Variants in PIAS4 observed in about 807,000 individuals in gnomAD.
PIAS4 encodes protein inhibitor of activated STAT 4.
A neutral mutation model predicts 58.0 loss-of-function variants in PIAS4; 7 were observed. That is an observed-to-expected ratio of 0.12 (90% CI 0.07 to 0.23). The LOEUF (loss-of-function observed/expected upper bound fraction) is 0.23, where lower values mean the gene tolerates loss of function less well. PIAS4 is among the 10% of genes least tolerant of loss of function. PIAS4 has a pLI of 1.00. For synonymous variants in PIAS4, 364 were observed against 312.4 expected, an observed-to-expected ratio of 1.17 and a Z score of -1.74; for missense variants, 550 against 709.5, an observed-to-expected ratio of 0.78 and a Z score of 2.55.
chr19:4,008,089 G>A (rs985383499), intron 1 of PIAS4, among the ~76,000 whole-genome samples: 3 of 151,978 alleles, frequency 2.0e-5, no homozygotes, highest in African/African-American at 7.2e-5. Context: ...CCAGGCCAGG[G>A]CCGCGCCTCC....
intron 2 of PIAS4, 49 bp from the exon 3 acceptor site, chr19:4,023,987 G>C: frequency 7.6e-7 from 1 of 1,311,952 alleles, no homozygotes; most frequent in Non-Finnish European, 1.1e-6. Flanking sequence ...CTGGGCTCGG[G>C]GGACCTGCCA....
rs565166694 is a variant in PIAS4, at chr19:4,037,628, C to A, written c.1286C>A (p.Ala429Asp). ...CTGTTGCCCGTAGGCCCCTCGGACG[C>A]CAATGGGCTCCTGCCCGCCCCCAGC... Reference protein sequence around the residue: ...GAILVLGPSDANGLLPAPSVN... With the variant: ...GAILVLGPSDDNGLLPAPSVN... The change falls in exon 11 of 11, where the codon GCC (alanine) becomes GAC (aspartate). Residue 429 changes from alanine (A) to aspartate (D), a missense_variant. Ala to Asp is a moderately radical substitution (Grantham distance 126). Coordinates refer to ENST00000262971, the MANE Select transcript of PIAS4 (RefSeq NM_015897.4). The surrounding 1 kb of genome is among the most constrained non-coding windows in gnomAD (Gnocchi z 5.8). The A allele has an allele frequency of 5.6e-6, 9 of 1,610,924 alleles. No individual in the cohort carries two copies. The highest frequency in any genetic ancestry group is 7.6e-6 in the Non-Finnish European group (9 of 1,179,784).
rs191239092 is a variant in PIAS4, at chr19:4,030,270, T to C, written c.907+1234T>C. Among the ~76,000 whole-genome samples the C allele has an allele frequency of 4.9e-4, 71 of 146,230 alleles. 1 individual carries two copies. Among genetic ancestry groups the C allele is most frequent in the Admixed American group, 1.1e-3 (17 of 14,832 alleles). On this transcript the variant is annotated intron_variant, in intron 7 of 10. Transcript: ENST00000262971. Reference sequence around the variant, plus strand: ...GGCCACTTTCGCACCTGGTCTCTTTTGTCCTTGTAACAATGAAAACAATTT... The same window carrying C: ...GGCCACTTTCGCACCTGGTCTCTTTCGTCCTTGTAACAATGAAAACAATTT...
At chr19:4,021,345 C>T in intron 2 of PIAS4, among the ~76,000 whole-genome samples, 1 of 151,950 alleles carries the variant, frequency 6.6e-6, no homozygotes, top group Admixed American at 6.6e-5. Flanking sequence ...GATGGGGTTA[C>T]CATATTGTCC....
chr19:4,036,064 C>T lies in PIAS4; in HGVS notation c.1143-1310C>T, dbSNP rs2040278103. Among the ~76,000 whole-genome samples the T allele has an allele frequency of 1.4e-5, 2 of 143,494 alleles. 1 individual carries two copies. Among genetic ancestry groups the T allele is most frequent in the Non-Finnish European group, 3.1e-5 (2 of 64,560 alleles). 94.1% of individuals were successfully genotyped at this position (143,494 alleles called of 152,430 possible). On this transcript the variant is annotated intron_variant, in intron 9 of 10. Coordinates refer to ENST00000262971, the MANE Select transcript of PIAS4 (RefSeq NM_015897.4). ...CATACACACACACATCTATACAGTC[C>T]ACACTGTCACACATCCGTACAGTCC... is the stretch of plus-strand genomic sequence containing the variant.
chr19:4,009,806 G>A (rs1568210930), intron 1 of PIAS4, among the ~76,000 whole-genome samples: 2 of 152,150 alleles, frequency 1.3e-5, no homozygotes, highest in African/African-American at 2.4e-5. Flanking sequence ...TCGGAGGGGC[G>A]AATGTTGGGG....
Position 4,026,411 on chromosome 19 carries a change from C to T in PIAS4, c.540-1735C>T, listed in dbSNP as rs569146310. ...CCTCCCAAAGTGCTGGGATTACAGGCGTGAGCCACCCTGCCCATCCCACAT... is the reference window on the plus strand; with the variant it reads ...CCTCCCAAAGTGCTGGGATTACAGGTGTGAGCCACCCTGCCCATCCCACAT... On this transcript the variant is annotated intron_variant, in intron 3 of 10. Coordinates refer to ENST00000262971, the MANE Select transcript of PIAS4 (RefSeq NM_015897.4). Among the ~76,000 whole-genome samples, 167 of 151,728 alleles carry T rather than the reference C, an allele frequency of 1.1e-3. 1 individual carries two copies. The highest frequency in any genetic ancestry group is 0.01 in the Middle Eastern group (3 of 292).
At position 4,038,348 on chromosome 19, in the gene PIAS4, C is replaced by G. The variant is rs908657936; in HGVS notation, c.*473C>G. On this transcript the variant is annotated 3_prime_UTR_variant, in exon 11 of 11. Coordinates refer to ENST00000262971, the MANE Select transcript of PIAS4 (RefSeq NM_015897.4). The surrounding 1 kb of genome is among the most constrained non-coding windows in gnomAD (Gnocchi z 4.1). Reference sequence around the variant, plus strand: ...ACTTTGACGTTTGTCTCTTCCTTTGCTTTTTCTCTGCAAATGCATCCTCGC... The same window carrying G: ...ACTTTGACGTTTGTCTCTTCCTTTGGTTTTTCTCTGCAAATGCATCCTCGC... The G allele has an allele frequency of 6.6e-6, 1 of 151,122 alleles. No individual in the cohort carries two copies. The highest frequency in any genetic ancestry group is 2.4e-5 in the African/African-American group (1 of 41,124). The allele number at this position is 151,122 out of a possible 1,614,324, so 9.4% of individuals were successfully genotyped here.
chr19:4,012,161 C>T (rs990110779), intron 1 of PIAS4, among the ~76,000 whole-genome samples: 4 of 151,804 alleles, frequency 2.6e-5, no homozygotes, highest in Non-Finnish European at 5.9e-5. Context: ...GGAGGAGAAA[C>T]CCTGCCTGGG....
At chr19:4,020,650 C>T (rs1452193823) in intron 2 of PIAS4, among the ~76,000 whole-genome samples, 1 of 152,250 alleles carries the variant, frequency 6.6e-6, no homozygotes, top group Non-Finnish European at 1.5e-5. Flanking sequence ...AATGTAGACA[C>T]AGTCTTGCTA....
At chr19:4,015,847 C>CGCGCCAG (rs2040047872) in intron 2 of PIAS4, among the ~76,000 whole-genome samples, 1 of 152,222 alleles carries the variant, frequency 6.6e-6, no homozygotes, top group South Asian at 2.1e-4. Flanking sequence ...GGATGGAGAC[C>CGCGCCAG]GCGCCAGGCG....
intron 7 of PIAS4, among the ~76,000 whole-genome samples, chr19:4,030,225 AG>A (rs1215249012): frequency 6.6e-6 from 1 of 151,802 alleles, no homozygotes; most frequent in Non-Finnish European, 1.5e-5. Context: ...AATCTCCCAA[AG>A]TGCTGGGATT....
At chr19:4,021,902 C>T (rs983670029) in intron 2 of PIAS4, among the ~76,000 whole-genome samples, 1 of 151,682 alleles carries the variant, frequency 6.6e-6, no homozygotes, top group African/African-American at 2.4e-5. Flanking sequence ...GTGTGCACCT[C>T]CACACCTGGC....
chr19:4,016,258 AC>A (rs1413652771), intron 2 of PIAS4, among the ~76,000 whole-genome samples: 2 of 152,210 alleles, frequency 1.3e-5, no homozygotes, highest in Non-Finnish European at 2.9e-5. Flanking sequence ...AAGGAAGGAT[AC>A]ATGCTGGCCG....
intron 2 of PIAS4, among the ~76,000 whole-genome samples, chr19:4,015,344 A>G (rs990661661): frequency 3.3e-5 from 5 of 152,030 alleles, no homozygotes; most frequent in African/African-American, 1.2e-4. Context: ...TCCGTCCCAC[A>G]ATACATCGCT....
In PIAS4 at chr19:4,037,341, C is replaced by T. The variant is rs1385813928; in HGVS notation, c.1143-33C>T. On this transcript the variant is annotated intron_variant, in intron 9 of 10. Coordinates refer to ENST00000262971, the MANE Select transcript of PIAS4 (RefSeq NM_015897.4). The surrounding 1 kb of genome is among the most constrained non-coding windows in gnomAD (Gnocchi z 5.8). Reference sequence around the variant, plus strand: ...GGGAGTTGGGGGGGTGGGGCACCTCCAGCCCCGGCGTCAGCTGTCCGCCTC... The same window carrying T: ...GGGAGTTGGGGGGGTGGGGCACCTCTAGCCCCGGCGTCAGCTGTCCGCCTC... 1.3e-6 allele frequency: 2 copies of T among 1,579,472 alleles called. No individual in the cohort carries two copies. The highest frequency in any genetic ancestry group is 2.7e-5 in the African/African-American group (2 of 74,230).
intron 9 of PIAS4, among the ~76,000 whole-genome samples, chr19:4,035,233 A>G (rs1208959423): frequency 6.6e-6 from 1 of 152,046 alleles, no homozygotes; most frequent in Non-Finnish European, 1.5e-5. Flanking sequence ...CTCCTGTGTG[A>G]TGAGAACGAT....
chr19:4,030,048 T>G (rs2040208230), intron 7 of PIAS4, among the ~76,000 whole-genome samples: 1 of 151,698 alleles, frequency 6.6e-6, no homozygotes, highest in Non-Finnish European at 1.5e-5. Context: ...GGTCTTAAGC[T>G]CCTGACCTCG....
intron 3 of PIAS4, 39 bp downstream of exon 3, chr19:4,024,159 G>GCCCA (rs1568216341): frequency 3.2e-6 from 4 of 1,238,236 alleles, no homozygotes; most frequent in Non-Finnish European, 4.5e-6. Flanking sequence ...CCCACCGCCC[G>GCCCA]CCCACCCACT....
Sources: allele counts gnomAD v4.1 joint callset (sites outside exome capture counted in the v4.1 genomes callset), GRCh38; gene constraint gnomAD v4.1.1; non-coding constraint Gnocchi (gnomAD v3.1); transcripts MANE v1.5; gene names NCBI Gene and HGNC (gene_info 2026-07-23, HGNC 2026-07-21).